The following RAPGEF6 variants were observed in gnomAD, a reference collection of about 807,000 sequenced individuals.
RAPGEF6 encodes the protein Rap guanine nucleotide exchange factor 6, also known as PDZ domain containing guanine nucleotide exchange factor (GEF) 2.
In RAPGEF6, 56 loss-of-function variants were observed where a neutral mutation model predicts 171.4. The ratio of observed to expected loss-of-function variants is 0.33; its 90% CI spans 0.26 to 0.41. The LOEUF (loss-of-function observed/expected upper bound fraction) is 0.41, where lower values mean the gene tolerates loss of function less well. Ranked by LOEUF, RAPGEF6 falls within the 10% of genes least tolerant of loss-of-function variation. The pLI, the probability that RAPGEF6 is intolerant of heterozygous loss-of-function variation, is 1.00. For missense variants in RAPGEF6, 1,674 were observed against 1,921.4 expected (o/e 0.87, Z 2.41); for synonymous variants, 692 against 650.1 (o/e 1.06, Z -0.98).
intron 1 of RAPGEF6, among the ~76,000 whole-genome samples, chr5:131,614,335 C>T (rs1056224519): frequency 2.0e-5 from 3 of 149,758 alleles, no homozygotes; most frequent in African/African-American, 7.4e-5. Flanking sequence ...CTACCGGAGC[C>T]GCGGTAATTT....
chr5:131,602,399 C>A (rs886907364), intron 3 of RAPGEF6, among the ~76,000 whole-genome samples: 4 of 152,084 alleles, frequency 2.6e-5, no homozygotes, highest in African/African-American at 9.7e-5. Context: ...ATATCCTCAA[C>A]AGGAGTAAGC....
chr5:131,504,714 T>C lies in RAPGEF6; in HGVS notation c.1166A>G (p.Lys389Arg), dbSNP rs1165473719. 6.2e-7 allele frequency: 1 copy of C among 1,614,042 alleles called. No homozygotes were observed. Among genetic ancestry groups the C allele is most frequent in the Non-Finnish European group, 8.5e-7 (1 of 1,179,968 alleles). Residue 389 changes from lysine to arginine, a missense_variant, in exon 11 of 28, where the codon AAA becomes AGA. Transcript: ENST00000509018. ...AACAATTTCTCCCTCTTCCTCAACT[T>C]TATGGGTATTTTTTTCCACATGGTT... is the stretch of plus-strand genomic sequence containing the variant. Reference protein sequence around the residue: ...ILNHVEKNTHKVEEEGEIVMV... With the variant: ...ILNHVEKNTHRVEEEGEIVMV...
intron 19 of RAPGEF6, among the ~76,000 whole-genome samples, chr5:131,461,185 C>T (rs1753906658): frequency 6.6e-6 from 1 of 152,182 alleles, no homozygotes; most frequent in South Asian, 2.1e-4. Flanking sequence ...GCCTAACTTG[C>T]TTGAGGAACA....
rs766569955 is a variant in RAPGEF6, at chr5:131,521,517, G to A, written c.500C>T (p.Pro167Leu). The A allele has an allele frequency of 6.3e-7, 1 of 1,594,602 alleles. No homozygotes were observed. The highest frequency in any genetic ancestry group is 1.4e-5 in the African/African-American group (1 of 73,790). The change falls in exon 7 of 28, where the codon CCA becomes CTA. Residue 167 changes from proline (P) to leucine (L), a missense_variant. Around this residue, in one of 3 missense-constraint regions of RAPGEF6, gnomAD observed 1,116 missense variants for 1,321.5 expected, o/e 0.84. Transcript: ENST00000509018. ...DVEVNSYLSL[P>L]ADLTKMHLTE... ...GAGATGCATCTTGGTAAGATCAGCT[G>A]GAAGCTGAAAAAAAAAATAATTTAA...
intron 15 of RAPGEF6, among the ~76,000 whole-genome samples, chr5:131,480,978 C>T (rs1755438643): frequency 6.6e-6 from 1 of 150,930 alleles, no homozygotes; most frequent in South Asian, 2.1e-4. Flanking sequence ...GTTGTCCAGG[C>T]TGGAGTGCAA....
intron 6 of RAPGEF6, among the ~76,000 whole-genome samples, chr5:131,528,104 T>C: frequency 8.7e-6 from 1 of 114,980 alleles, no homozygotes; most frequent in Non-Finnish European, 1.8e-5. Context: ...TAAATTTATA[T>C]ATTATATATC....
At chr5:131,554,330 T>C (rs1315035626) in intron 5 of RAPGEF6, among the ~76,000 whole-genome samples, 2 of 152,134 alleles carry the variant, frequency 1.3e-5, no homozygotes, top group African/African-American at 2.4e-5. Context: ...ATAATACAAG[T>C]GTTACTATTA....
intron 6 of RAPGEF6, among the ~76,000 whole-genome samples, chr5:131,522,802 G>T (rs1758588060): frequency 1.3e-5 from 2 of 152,240 alleles, no homozygotes; most frequent in Non-Finnish European, 2.9e-5. Flanking sequence ...AAATTCCAAG[G>T]CCTAGGATGG....
At chr5:131,594,929 C>T (rs182708640) in intron 3 of RAPGEF6, among the ~76,000 whole-genome samples, 1 of 152,202 alleles carries the variant, frequency 6.6e-6, no homozygotes, top group Non-Finnish European at 1.5e-5. Flanking sequence ...TTTGATTTTA[C>T]AGGCTCATAG....
intron 6 of RAPGEF6, among the ~76,000 whole-genome samples, chr5:131,540,963 A>G (rs1185451489): frequency 1.3e-5 from 2 of 152,258 alleles, no homozygotes; most frequent in African/African-American, 4.8e-5. Context: ...CCCGGGCGAC[A>G]GTGCAAGACT....
rs1580850663 is a variant in RAPGEF6, at chr5:131,455,997, T to C, written c.2880A>G (p.Ala960=). 6.2e-7 allele frequency: 1 copy of C among 1,614,034 alleles called. No homozygotes were observed. The highest frequency in any genetic ancestry group is 2.2e-5 in the East Asian group (1 of 44,856). Residue 960 remains alanine (A), a synonymous_variant, in exon 20 of 28, where the codon GCA becomes GCG. Transcript: ENST00000509018. ...AAGTTCCTCTGAGTCTTGCTACAGATGCCAGGTTCAAGCCACTGCCAAAGA... is the reference window on the plus strand; with the variant it reads ...AAGTTCCTCTGAGTCTTGCTACAGACGCCAGGTTCAAGCCACTGCCAAAGA... The part of the protein sequence containing the change: ...MFAIISGLNL[A]SVARLRGTWE...
At chr5:131,605,864 A>C (rs1764528157) in intron 1 of RAPGEF6, among the ~76,000 whole-genome samples, 1 of 151,862 alleles carries the variant, frequency 6.6e-6, no homozygotes, top group Admixed American at 6.6e-5. Context: ...CTCCATCTCT[A>C]CTAAAAATAC....
At chr5:131,570,041 CAA>C (rs34729268) in intron 4 of RAPGEF6, among the ~76,000 whole-genome samples, 535 of 27,166 alleles carry the variant, frequency 0.02, 1 homozygote, top group African/African-American at 0.1. Context: ...GACTCTGTCT[CAA>C]AAAAAAAAAA....
intron 23 of RAPGEF6, among the ~76,000 whole-genome samples, chr5:131,440,886 T>A (rs927889074): frequency 3.9e-5 from 6 of 151,968 alleles, no homozygotes; most frequent in African/African-American, 1.5e-4. Context: ...CTTCACCAAT[T>A]CTGCACCCAA....
intron 6 of RAPGEF6, chr5:131,533,161 T>C (rs1231921996): frequency 8.1e-6 from 1 of 123,982 alleles, no homozygotes; most frequent in East Asian, 2.3e-4. Flanking sequence ...AGCAATTTAT[T>C]GAAAACATAC....
At chr5:131,631,711 T>C (rs1289401395) in intron 1 of RAPGEF6, among the ~76,000 whole-genome samples, 1 of 151,842 alleles carries the variant, frequency 6.6e-6, no homozygotes, top group Non-Finnish European at 1.5e-5. Flanking sequence ...ACTTGGGAGG[T>C]TGAAGCAGGA....
chr5:131,552,871 T>A (rs1372009379), intron 5 of RAPGEF6, among the ~76,000 whole-genome samples: 1 of 152,062 alleles, frequency 6.6e-6, no homozygotes, highest in African/African-American at 2.4e-5. Context: ...CAACATCATG[T>A]AAGAAGCAAG....
intron 5 of RAPGEF6, among the ~76,000 whole-genome samples, chr5:131,552,480 G>A (rs1760979590): frequency 6.9e-6 from 1 of 145,286 alleles, no homozygotes; most frequent in African/African-American, 2.6e-5. Context: ...TTTTTTTTGA[G>A]ATGGCGTTTT....
At chr5:131,553,486 C>A (rs982212984) in intron 5 of RAPGEF6, among the ~76,000 whole-genome samples, 35 of 152,112 alleles carry the variant, frequency 2.3e-4, no homozygotes, top group Admixed American at 2.3e-3. Context: ...TAGAGTGGAT[C>A]CAGATGCTGG....
Sources: gnomAD v4.1 joint callset for allele counts (sites outside exome capture counted in the v4.1 genomes callset) on GRCh38, gnomAD v4.1.1 for gene constraint, gnomAD v4.1.1 regional missense constraint, MANE v1.5 for transcripts, NCBI Gene and HGNC (gene_info 2026-07-23, HGNC 2026-07-21) for gene names.